The following ZNF83 variants were observed in gnomAD, a reference collection of about 807,000 sequenced individuals.
The protein encoded by ZNF83 is zinc finger protein 83.
For missense variants in ZNF83, 552 were observed against 629.9 expected (o/e 0.88, Z 1.32); for synonymous variants, 209 against 213.0 (o/e 0.98, Z 0.17).
intron 1 of ZNF83, among the ~76,000 whole-genome samples, chr19:52,687,560 TTTA>T (rs1298303374): frequency 2.5e-3 from 74 of 29,608 alleles, no homozygotes; most frequent in African/African-American, 0.011. Context: ...ATGTGTAAAT[TTTA>T]TATATATATA....
intron 2 of ZNF83, among the ~76,000 whole-genome samples, chr19:52,619,471 C>T (rs1012427675): frequency 1.3e-5 from 2 of 151,880 alleles, no homozygotes; most frequent in Admixed American, 6.6e-5. Context: ...ACTAAAAATA[C>T]AAAAATTAGC....
rs894280522 is a variant in ZNF83 at position 52,652,108 on chromosome 19, G to T, written c.-74+3453C>A. ...ATTTGTAAGATTTCTGTCCAGTATAGATTCCCTGATGTCTAATGCGGTGTG... is the reference window on the plus strand; with the variant it reads ...ATTTGTAAGATTTCTGTCCAGTATATATTCCCTGATGTCTAATGCGGTGTG... On this transcript the variant is annotated intron_variant, in intron 3 of 5. Coordinates refer to the ZNF83 transcript ENST00000594682. 21 of 237,678 alleles carry T rather than the reference G, an allele frequency of 8.8e-5. No individual in the cohort carries two copies. The South Asian group carries it at 1.3e-3, about 15-fold the overall frequency. The allele number at this position is 237,678 out of a possible 1,614,324, so 14.7% of individuals were successfully genotyped here.
At chr19:52,689,870 T>C (rs1246895488) in intron 1 of ZNF83, among the ~76,000 whole-genome samples, 1 of 152,342 alleles carries the variant, frequency 6.6e-6, no homozygotes, top group Non-Finnish European at 1.5e-5. Flanking sequence ...GAACACCCCG[T>C]GTCACAGGAC....
intron 1 of ZNF83, among the ~76,000 whole-genome samples, chr19:52,670,472 TA>T (rs1176538771): frequency 6.6e-6 from 1 of 152,176 alleles, no homozygotes; most frequent in Non-Finnish European, 1.5e-5. Context: ...TCTATATAAG[TA>T]AATTGCCTTT....
chr19:52,634,851 A>C (rs1040501669), intron 2 of ZNF83, among the ~76,000 whole-genome samples: 1 of 152,060 alleles, frequency 6.6e-6, no homozygotes, highest in Non-Finnish European at 1.5e-5. Context: ...CCTTACCAGG[A>C]CCATGCCCAG....
intron 1 of ZNF83, among the ~76,000 whole-genome samples, chr19:52,669,502 T>C (rs1265407456): frequency 6.6e-6 from 1 of 152,204 alleles, no homozygotes; most frequent in East Asian, 1.9e-4. Context: ...GAAAATGGGA[T>C]AGCCTTTGAC....
At chr19:52,679,078 C>A (rs1022159880) in intron 1 of ZNF83, among the ~76,000 whole-genome samples, 1 of 152,076 alleles carries the variant, frequency 6.6e-6, no homozygotes, top group African/African-American at 2.4e-5. Context: ...AGGGTTGATT[C>A]TACAACAAAT....
At chr19:52,628,810 TTA>T (rs1186746909) in intron 2 of ZNF83, among the ~76,000 whole-genome samples, 1 of 142,994 alleles carries the variant, frequency 7.0e-6, no homozygotes, top group African/African-American at 2.6e-5. Context: ...CCCCAACCCC[TTA>T]TATCTCTGCA....
chr19:52,685,763 T>A (rs903540837), intron 1 of ZNF83, among the ~76,000 whole-genome samples: 6 of 151,940 alleles, frequency 3.9e-5, no homozygotes, highest in African/African-American at 9.7e-5. Context: ...CCAGGCATGG[T>A]GGCAGGCAAC....
chr19:52,684,857 G>A (rs114116385), intron 1 of ZNF83, among the ~76,000 whole-genome samples: 5,292 of 152,310 alleles, frequency 0.035, 168 homozygotes, highest in African/African-American at 0.088. Flanking sequence ...CCAGGAGGCT[G>A]GACACTGGCA....
chr19:52,614,563 A>ATGTC (rs772599115), exon 3 of ZNF83: 7 of 1,581,780 alleles, frequency 4.4e-6, no homozygotes, highest in Non-Finnish European at 6.0e-6. Flanking sequence ...TCTCCCATGC[A>ATGTC]TGTCTCTTCT....
At chr19:52,625,485 A>G (rs1349185878) in intron 2 of ZNF83, among the ~76,000 whole-genome samples, 3 of 152,140 alleles carry the variant, frequency 2.0e-5, no homozygotes, top group Non-Finnish European at 4.4e-5. Flanking sequence ...ATCTCTCAGC[A>G]AAGACCCACT....
intron 3 of ZNF83, among the ~76,000 whole-genome samples, chr19:52,646,323 T>G (rs887043441): frequency 2.2e-4 from 33 of 152,118 alleles, no homozygotes; most frequent in Admixed American, 2.2e-3. Context: ...GGCAGGAAGA[T>G]CCTTTGCATC....
At chr19:52,648,466 G>A (rs1335724381) in intron 3 of ZNF83, among the ~76,000 whole-genome samples, 1 of 152,104 alleles carries the variant, frequency 6.6e-6, no homozygotes, top group Non-Finnish European at 1.5e-5. Context: ...AAAAAAGAGA[G>A]AGAGAGAGAA....
intron 2 of ZNF83, among the ~76,000 whole-genome samples, chr19:52,659,613 C>CAAAAAAAAAAAA (rs67918270): frequency 8.7e-6 from 1 of 114,292 alleles, no homozygotes; most frequent in Non-Finnish European, 1.8e-5. Context: ...GACTCCAACT[C>CAAAAAAAAAAAA]AAAAAAAAAA....
chr19:52,638,861 G>A (rs2061242388), upstream of ZNF83, among the ~76,000 whole-genome samples: 1 of 152,284 alleles, frequency 6.6e-6, no homozygotes, highest in East Asian at 1.9e-4. Flanking sequence ...CGCGGGAGTG[G>A]GAGCCTGAGG....
intron 2 of ZNF83, among the ~76,000 whole-genome samples, chr19:52,656,864 C>CAAAAAAAA (rs112522632): frequency 7.3e-6 from 1 of 136,650 alleles, no homozygotes. Flanking sequence ...GACTCCGTCT[C>CAAAAAAAA]AAAAAAAAAA....
intron 1 of ZNF83, among the ~76,000 whole-genome samples, chr19:52,682,774 A>G (rs56220454): frequency 0.3 from 45,384 of 152,086 alleles, 8,073 homozygotes; most frequent in South Asian, 0.41. Context: ...GGAGGCTAAA[A>G]TGGGGATCAC....
At chr19:52,655,645 C>T (rs1260735452) in exon 3 of ZNF83, 1 of 1,391,164 alleles carries the variant, frequency 7.2e-7, no homozygotes, top group Non-Finnish European at 1.0e-6. Flanking sequence ...TTCCACTCCT[C>T]CAAAGAGAAT....
Sources: allele counts gnomAD v4.1 joint callset (sites outside exome capture counted in the v4.1 genomes callset), GRCh38; gene constraint gnomAD v4.1.1; transcripts MANE v1.5; gene names NCBI Gene and HGNC (gene_info 2026-07-23, HGNC 2026-07-21).